The following RIMS1 variants were observed in gnomAD, a reference collection of about 807,000 sequenced individuals.
RIMS1 encodes regulating synaptic membrane exocytosis 1.
In RIMS1, 83 loss-of-function variants were observed where a neutral mutation model predicts 214.1. The observed-to-expected ratio is 0.39, with a 90% confidence interval of 0.32 to 0.47. RIMS1 has a LOEUF of 0.47. Ranked by LOEUF, RIMS1 falls within the 20% of genes least tolerant of loss-of-function variation. RIMS1 has a pLI of 0.99. For missense variants in RIMS1, 2,050 were observed against 2,161.8 expected (o/e 0.95, Z 1.03); for synonymous variants, 793 against 786.8 (o/e 1.01, Z -0.13).
chr6:72,212,889 A>G (rs2054072438), intron 6 of RIMS1: 1 of 1,223,594 alleles, frequency 8.2e-7, no homozygotes, highest in East Asian at 3.7e-5. Flanking sequence ...TCCTTTGGGT[A>G]ACTGCACAGT....
chr6:72,056,981 A>C (rs1369298271), intron 2 of RIMS1, among the ~76,000 whole-genome samples: 1 of 152,144 alleles, frequency 6.6e-6, no homozygotes, highest in East Asian at 1.9e-4. Flanking sequence ...TAATCTGCAG[A>C]TATTTTTCTG....
intron 2 of RIMS1, among the ~76,000 whole-genome samples, chr6:72,029,641 T>C (rs1388010616): frequency 6.6e-6 from 1 of 152,196 alleles, no homozygotes; most frequent in African/African-American, 2.4e-5. Context: ...TATTTTGTTA[T>C]GGAAGTCTGA....
intron 1 of RIMS1, among the ~76,000 whole-genome samples, chr6:71,967,531 G>A (rs1478565825): frequency 1.3e-5 from 2 of 152,142 alleles, no homozygotes; most frequent in Non-Finnish European, 2.9e-5. Context: ...GAAATCCTAG[G>A]ACATTACACT....
At chr6:72,135,945 A>C (rs756470688) in intron 4 of RIMS1, among the ~76,000 whole-genome samples, 7 of 152,170 alleles carry the variant, frequency 4.6e-5, no homozygotes, top group African/African-American at 7.2e-5. Context: ...TTCATTCCAG[A>C]ATGAACAAAG....
intron 29 of RIMS1, among the ~76,000 whole-genome samples, chr6:72,346,085 AAC>A (rs1157589653): frequency 6.6e-6 from 1 of 151,770 alleles, no homozygotes; most frequent in Admixed American, 6.6e-5. Flanking sequence ...CCATTTTCGC[AAC>A]TATAATATGG....
chr6:71,992,525 C>T (rs1235970427), intron 2 of RIMS1, among the ~76,000 whole-genome samples: 1 of 148,836 alleles, frequency 6.7e-6, no homozygotes, highest in African/African-American at 2.5e-5. Flanking sequence ...TCCTCTTCCT[C>T]CTCCCCTCCT....
intron 25 of RIMS1, 52 bp from the exon 26 acceptor site, chr6:72,291,882 A>C: frequency 7.4e-7 from 1 of 1,359,392 alleles, no homozygotes; most frequent in Non-Finnish European, 1.0e-6. Flanking sequence ...GATTTTTGTC[A>C]GACCACATTG....
intron 6 of RIMS1, among the ~76,000 whole-genome samples, chr6:72,198,061 A>G (rs1456089052): frequency 1.3e-5 from 2 of 152,086 alleles, no homozygotes; most frequent in Non-Finnish European, 2.9e-5. Context: ...TTCTCTAAAA[A>G]CAAAATAGAA....
intron 4 of RIMS1, among the ~76,000 whole-genome samples, chr6:72,165,523 G>C (rs2496487): frequency 0.69 from 105,359 of 151,978 alleles, 36,989 homozygotes; most frequent in East Asian, 0.84. Flanking sequence ...ATATCTATCT[G>C]TGTGTGTCTC....
intron 2 of RIMS1, among the ~76,000 whole-genome samples, chr6:72,054,897 T>C (rs577106336): frequency 8.5e-5 from 13 of 152,332 alleles, no homozygotes; most frequent in African/African-American, 2.9e-4. Context: ...CTGATGGTAG[T>C]TCTTTTGCTG....
chr6:71,990,212 A>C (rs1801182711), intron 2 of RIMS1, among the ~76,000 whole-genome samples: 1 of 152,138 alleles, frequency 6.6e-6, no homozygotes, highest in African/African-American at 2.4e-5. Context: ...CAAACTCCAG[A>C]GATGTTCCAT....
chr6:71,899,973 T>C lies in RIMS1; in HGVS notation c.164+12786T>C, dbSNP rs547217805. Among the ~76,000 whole-genome samples the C allele has an allele frequency of 2.6e-5, 4 of 152,268 alleles. No individual in the cohort carries two copies. The South Asian group carries it at 8.3e-4, about 32-fold the overall frequency. On this transcript the variant is annotated intron_variant, in intron 1 of 33. Transcript: ENST00000521978. ...TGGTACTAGAATTAATAGCCTTTTG[T>C]AGAAGGAAGTAAATTTTCTTGAATA... is the stretch of plus-strand genomic sequence containing the variant.
chr6:71,940,911 A>T (rs1332119420), intron 1 of RIMS1, among the ~76,000 whole-genome samples: 1 of 152,180 alleles, frequency 6.6e-6, no homozygotes, highest in Non-Finnish European at 1.5e-5. Flanking sequence ...TTTATGTCTC[A>T]AAAGGGCTGA....
chr6:72,372,302 A>G (rs999448182), intron 29 of RIMS1, among the ~76,000 whole-genome samples: 2 of 152,208 alleles, frequency 1.3e-5, no homozygotes, highest in Non-Finnish European at 2.9e-5. Flanking sequence ...TTTCCATGGC[A>G]TTTAACCTTT....
intron 28 of RIMS1, among the ~76,000 whole-genome samples, chr6:72,331,129 G>T (rs1372369572): frequency 6.6e-6 from 1 of 151,464 alleles, no homozygotes; most frequent in Non-Finnish European, 1.5e-5. Context: ...AATCTTCCCA[G>T]TTCATCTTAA....
At chr6:72,112,429 C>G (rs2036286056) in intron 4 of RIMS1, among the ~76,000 whole-genome samples, 1 of 152,130 alleles carries the variant, frequency 6.6e-6, no homozygotes. Context: ...GGCTTCCCAT[C>G]TCATCCAAAG....
chr6:72,260,480 A>G lies in RIMS1; in HGVS notation c.3054-225A>G, dbSNP rs542606630. 3.3e-5 allele frequency among the ~76,000 whole-genome samples: 5 copies of G among 152,330 alleles called. No individual in the cohort carries two copies. The South Asian group carries it at 1.0e-3, about 32-fold the overall frequency. ...ATATTCTATAAAATCATTTTGAAATACAATGGCAAATCAGCAACAGCTAGG... is the reference window on the plus strand; with the variant it reads ...ATATTCTATAAAATCATTTTGAAATGCAATGGCAAATCAGCAACAGCTAGG... On this transcript the variant is annotated intron_variant, in intron 18 of 33. Coordinates refer to ENST00000521978, the MANE Select transcript of RIMS1 (RefSeq NM_014989.7).
chr6:72,184,293 C>G (rs2048795697), intron 6 of RIMS1, among the ~76,000 whole-genome samples: 1 of 152,170 alleles, frequency 6.6e-6, no homozygotes, highest in South Asian at 2.1e-4. Flanking sequence ...TTGATGTGTA[C>G]CGCAGATTGA....
intron 16 of RIMS1, among the ~76,000 whole-genome samples, chr6:72,257,223 A>AT (rs2076241136): frequency 6.6e-6 from 1 of 151,638 alleles, no homozygotes; most frequent in Non-Finnish European, 1.5e-5. Flanking sequence ...TGGCCACATA[A>AT]TTTTTTTATT....
Sources: gnomAD v4.1 joint callset for allele counts (sites outside exome capture counted in the v4.1 genomes callset) on GRCh38, gnomAD v4.1.1 for gene constraint, MANE v1.5 for transcripts, NCBI Gene and HGNC (gene_info 2026-07-23, HGNC 2026-07-21) for gene names.